The following CNIH3 variants were observed in gnomAD, a reference collection of about 807,000 sequenced individuals.
The protein encoded by CNIH3 is cornichon family AMPA receptor auxiliary protein 3.
Under a neutral mutation model 24.1 loss-of-function variants are expected in CNIH3, and 14 were observed. The observed-to-expected ratio is 0.58, with a 90% CI of 0.38 to 0.91. The LOEUF is 0.91. Ranked by LOEUF, CNIH3 falls within the 40% of genes least tolerant of loss-of-function variation. The pLI is 0.00. For synonymous variants in CNIH3, 68 were observed against 73.8 expected (o/e 0.92, Z 0.40); for missense variants, 178 against 196.8 (o/e 0.90, Z 0.57).
intron 3 of CNIH3, among the ~76,000 whole-genome samples, chr1:224,547,919 A>C (rs1285995924): frequency 1.3e-5 from 2 of 151,940 alleles, no homozygotes; most frequent in African/African-American, 4.8e-5. Context: ...TCTAAGAGAG[A>C]TATTACTCCA....
intron 1 of CNIH3, among the ~76,000 whole-genome samples, chr1:224,457,226 T>G (rs1675701344): frequency 1.3e-5 from 2 of 151,570 alleles, no homozygotes; most frequent in Admixed American, 1.3e-4. Flanking sequence ...AGAATTGGAT[T>G]TTCCCTTTTA....
intron 1 of CNIH3, among the ~76,000 whole-genome samples, chr1:224,644,868 G>A (rs1040364425): frequency 4.6e-5 from 7 of 152,216 alleles, no homozygotes; most frequent in Non-Finnish European, 1.0e-4. Flanking sequence ...GCAGCCAAGT[G>A]CATGCACCTC....
At chr1:224,487,740 C>T (rs1221375641) in intron 1 of CNIH3, among the ~76,000 whole-genome samples, 1 of 152,160 alleles carries the variant, frequency 6.6e-6, no homozygotes, top group African/African-American at 2.4e-5. Context: ...TAACTATGGC[C>T]TACTGATATG....
chr1:224,480,275 G>A (rs553203697), intron 1 of CNIH3, among the ~76,000 whole-genome samples: 8 of 152,306 alleles, frequency 5.3e-5, no homozygotes, highest in African/African-American at 1.7e-4. Context: ...ACCGCACACA[G>A]CACGGGACTC....
intron 1 of CNIH3, among the ~76,000 whole-genome samples, chr1:224,643,780 T>A (rs1265951181): frequency 1.3e-5 from 2 of 152,240 alleles, no homozygotes; most frequent in Non-Finnish European, 2.9e-5. Context: ...TCCCAGGTTC[T>A]ACCCAGGAAG....
intron 1 of CNIH3, among the ~76,000 whole-genome samples, chr1:224,674,348 T>C (rs998085395): frequency 3.6e-5 from 5 of 138,140 alleles, no homozygotes; most frequent in African/African-American, 1.1e-4. Context: ...AATAATGATT[T>C]CAGACAAGTG....
At chr1:224,462,709 G>T (rs555648905) in intron 1 of CNIH3, among the ~76,000 whole-genome samples, 1 of 137,552 alleles carries the variant, frequency 7.3e-6, no homozygotes, top group African/African-American at 2.7e-5. Flanking sequence ...GTGTGATCAC[G>T]GCTCACCAGA....
intron 1 of CNIH3, among the ~76,000 whole-genome samples, chr1:224,492,066 A>G (rs1173120928): frequency 6.6e-6 from 1 of 152,050 alleles, no homozygotes; most frequent in African/African-American, 2.4e-5. Flanking sequence ...CTCTGCATCT[A>G]TTGCATTTAT....
At chr1:224,480,596 T>G (rs1013849619) in intron 1 of CNIH3, among the ~76,000 whole-genome samples, 2 of 152,238 alleles carry the variant, frequency 1.3e-5, no homozygotes, top group African/African-American at 4.8e-5. Context: ...AGAAATTTCT[T>G]CTGCCAGATA....
chr1:224,709,899 C>A (rs1055767748), intron 3 of CNIH3, among the ~76,000 whole-genome samples: 2 of 152,026 alleles, frequency 1.3e-5, no homozygotes, highest in African/African-American at 4.8e-5. Flanking sequence ...TACCAAGCTG[C>A]GGTATATCCT....
intron 3 of CNIH3, among the ~76,000 whole-genome samples, chr1:224,717,983 A>G (rs1024655996): frequency 3.9e-5 from 6 of 152,330 alleles, no homozygotes; most frequent in Non-Finnish European, 7.3e-5. Flanking sequence ...GGGAACGACC[A>G]AAGGACCAAT....
At chr1:224,486,186 G>A (rs1677022251) in intron 1 of CNIH3, among the ~76,000 whole-genome samples, 2 of 152,084 alleles carry the variant, frequency 1.3e-5, no homozygotes, top group Non-Finnish European at 2.9e-5. Context: ...GCTTACTGCA[G>A]CCTCCAACTC....
intron 1 of CNIH3, among the ~76,000 whole-genome samples, chr1:224,653,632 C>T (rs1684966606): frequency 6.6e-6 from 1 of 152,210 alleles, no homozygotes; most frequent in African/African-American, 2.4e-5. Flanking sequence ...ACTTTGCAGT[C>T]TCTCTTTAGT....
intron 2 of CNIH3, among the ~76,000 whole-genome samples, chr1:224,527,935 G>A (rs16849164): frequency 0.041 from 6,267 of 152,140 alleles, 407 homozygotes; most frequent in African/African-American, 0.14. Context: ...AGCTGGATCC[G>A]TATCTGTATA....
intron 3 of CNIH3, among the ~76,000 whole-genome samples, chr1:224,564,201 G>A (rs909326331): frequency 1.3e-5 from 2 of 152,202 alleles, no homozygotes; most frequent in Non-Finnish European, 2.9e-5. Flanking sequence ...TTGTGTGCTA[G>A]TAATTCATCA....
intron 2 of CNIH3, among the ~76,000 whole-genome samples, chr1:224,545,661 C>G (rs1679675318): frequency 6.6e-6 from 1 of 152,142 alleles, no homozygotes; most frequent in African/African-American, 2.4e-5. Flanking sequence ...AGAAGGGGCA[C>G]AGAGGAGGGG....
chr1:224,467,025 T>G (rs1298447735), intron 1 of CNIH3, among the ~76,000 whole-genome samples: 1 of 152,174 alleles, frequency 6.6e-6, no homozygotes, highest in Non-Finnish European at 1.5e-5. Flanking sequence ...CAGTCTGTAA[T>G]TTATCTTTTC....
At chr1:224,512,320 G>GA (rs1678187921), upstream of CNIH3, among the ~76,000 whole-genome samples, 1 of 151,820 alleles carries the variant, frequency 6.6e-6, no homozygotes, top group African/African-American at 2.4e-5. Context: ...CATCTCTACA[G>GA]AAAATTAAAA....
At chr1:224,736,248 C>T (rs573890654) in intron 5 of CNIH3, among the ~76,000 whole-genome samples, 3 of 152,242 alleles carry the variant, frequency 2.0e-5, no homozygotes, top group African/African-American at 7.2e-5. Context: ...CCTAAGCCTC[C>T]TGAGTAGCTG....
Sources: allele counts gnomAD v4.1 joint callset (sites outside exome capture counted in the v4.1 genomes callset), GRCh38; gene constraint gnomAD v4.1.1; transcripts MANE v1.5; gene names NCBI Gene and HGNC (gene_info 2026-07-23, HGNC 2026-07-21).